Variants in RAP1GAP2 observed in about 807,000 individuals in gnomAD.
RAP1GAP2 encodes rap1 GTPase-activating protein 2.
In RAP1GAP2, 27 loss-of-function variants were observed where a neutral mutation model predicts 95.0. The ratio of observed to expected loss-of-function variants is 0.28; its 90% CI spans 0.21 to 0.39. The LOEUF (loss-of-function observed/expected upper bound fraction) is 0.39. RAP1GAP2 is among the 10% of genes least tolerant of loss of function. The probability of loss-of-function intolerance (pLI) is 1.00; values close to 1 mark genes in which losing one functional copy is unlikely to be tolerated. For missense variants in RAP1GAP2, 771 were observed against 970.0 expected (o/e 0.79, Z 2.72); for synonymous variants, 373 against 380.9 (o/e 0.98, Z 0.24).
intron 23 of RAP1GAP2, among the ~76,000 whole-genome samples, chr17:3,032,014 C>T (rs2047328439): frequency 6.6e-6 from 1 of 150,900 alleles, no homozygotes; most frequent in African/African-American, 2.4e-5. Flanking sequence ...CTATCGAGAG[C>T]TCCAGGCCCA....
rs560038991 is a variant in RAP1GAP2 at position 2,991,836 on chromosome 17, C to G, written c.914+439C>G. Among the ~76,000 whole-genome samples, 172 of 152,310 alleles carry G rather than the reference C, an allele frequency of 1.1e-3. 1 individual carries two copies. Among genetic ancestry groups the G allele is most frequent in the African/African-American group, 4.0e-3 (166 of 41,578 alleles). ...CTGGAGTGCAGTGGTGTGATCTCAGCTCACTGCAACCTCCACCTCCCAGGT... is the reference window on the plus strand; with the variant it reads ...CTGGAGTGCAGTGGTGTGATCTCAGGTCACTGCAACCTCCACCTCCCAGGT... On this transcript the variant is annotated intron_variant, in intron 12 of 24. Coordinates refer to ENST00000254695, the MANE Select transcript of RAP1GAP2 (RefSeq NM_015085.5).
At chr17:3,009,475 T>A (rs949427663) in intron 17 of RAP1GAP2, among the ~76,000 whole-genome samples, 1 of 152,200 alleles carries the variant, frequency 6.6e-6, no homozygotes, top group Non-Finnish European at 1.5e-5. Context: ...ACAGAATCAT[T>A]TGTGGGAGCA....
rs1388894265 is a variant in RAP1GAP2, at chr17:2,871,288, C to G, written c.81-33996C>G. 6.6e-6 allele frequency among the ~76,000 whole-genome samples: 1 copy of G among 152,174 alleles called. No homozygotes were observed. The highest frequency in any genetic ancestry group is 6.5e-5 in the Admixed American group (1 of 15,272). On this transcript the variant is annotated intron_variant, in intron 2 of 24. Transcript: ENST00000254695. This position sits in a 1 kb window ranked among gnomAD's most constrained non-coding sequence, Gnocchi z 5.0. Reference sequence around the variant, plus strand: ...AAACATTTTAATGGCTGAATTTCCCCCAGAGAGGAAGGAAAGCTCCTTTCC... The same window carrying G: ...AAACATTTTAATGGCTGAATTTCCCGCAGAGAGGAAGGAAAGCTCCTTTCC...
rs571218291 is a variant in RAP1GAP2 at position 2,755,914 on chromosome 17, G to A, written c.50+147G>A. 44 of 285,906 alleles carry A rather than the reference G, an allele frequency of 1.5e-4. No homozygotes were observed. The South Asian group carries it at 6.6e-3, about 43-fold the overall frequency. 17.7% of individuals were successfully genotyped at this position (285,906 alleles called of 1,614,324 possible). On this transcript the variant is annotated intron_variant, in intron 1 of 25. Transcript: ENST00000637138. ...GTGGGCGGAGGGGCGCCGGCTGCCTGGTCCCCACCACCCCCTCCGGTCCCC... is the reference window on the plus strand; with the variant it reads ...GTGGGCGGAGGGGCGCCGGCTGCCTAGTCCCCACCACCCCCTCCGGTCCCC...
chr17:2,846,856 G>T (rs1567704102), intron 2 of RAP1GAP2, among the ~76,000 whole-genome samples: 1 of 152,098 alleles, frequency 6.6e-6, no homozygotes, highest in Non-Finnish European at 1.5e-5. Context: ...GCTGTTTGGG[G>T]CCATTAAGCC....
At chr17:2,924,506 G>A (rs2042891382) in intron 3 of RAP1GAP2, among the ~76,000 whole-genome samples, 1 of 151,982 alleles carries the variant, frequency 6.6e-6, no homozygotes, top group African/African-American at 2.4e-5. Context: ...GTCATCTGCT[G>A]TAGAGGAGGA....
At chr17:2,809,677 G>C (rs1012471085) in intron 2 of RAP1GAP2, among the ~76,000 whole-genome samples, 4 of 152,224 alleles carry the variant, frequency 2.6e-5, no homozygotes, top group Non-Finnish European at 4.4e-5. Context: ...GGCTCGCTGG[G>C]AGCTGGATTT....
At chr17:2,794,905 T>C (rs1230907346), upstream of RAP1GAP2, among the ~76,000 whole-genome samples, 1 of 137,892 alleles carries the variant, frequency 7.3e-6, no homozygotes, top group Non-Finnish European at 1.6e-5. Context: ...AGATGGAGTT[T>C]TGCTCTTTGT....
chr17:2,805,054 T>C (rs1476460), intron 2 of RAP1GAP2, among the ~76,000 whole-genome samples: 46,832 of 152,084 alleles, frequency 0.31, 7,702 homozygotes, highest in African/African-American at 0.42. Flanking sequence ...GCAGGGGCTC[T>C]GTGCATTACA....
At chr17:2,835,661 G>T (rs2071097549) in intron 2 of RAP1GAP2, among the ~76,000 whole-genome samples, 1 of 152,200 alleles carries the variant, frequency 6.6e-6, no homozygotes, top group Non-Finnish European at 1.5e-5. Flanking sequence ...GGAGTTTGAG[G>T]CTGCAGTGAG....
intron 2 of RAP1GAP2, among the ~76,000 whole-genome samples, chr17:2,801,465 ACT>A (rs2069289378): frequency 1.0e-5 from 1 of 98,952 alleles, no homozygotes; most frequent in Admixed American, 1.2e-4. Flanking sequence ...ACAGAGTGAG[ACT>A]CTGTCTCAAA....
Position 2,796,664 on chromosome 17 carries a change from C to A in RAP1GAP2, c.44+93C>A. 1 of 1,426,116 alleles carries A rather than the reference C, an allele frequency of 7.0e-7. No individual in the cohort carries two copies. Among genetic ancestry groups the A allele is most frequent in the Non-Finnish European group, 9.7e-7 (1 of 1,033,844 alleles). 88.3% of individuals were successfully genotyped at this position (1,426,116 alleles called of 1,614,324 possible). ...ATTGGCGGCCGTGGGAACAGAGGGGCTCGGGCTGTGCCTGAGAGCTGGGTC... is the reference window on the plus strand; with the variant it reads ...ATTGGCGGCCGTGGGAACAGAGGGGATCGGGCTGTGCCTGAGAGCTGGGTC... On this transcript the variant is annotated intron_variant, in intron 1 of 24. Coordinates refer to ENST00000254695, the MANE Select transcript of RAP1GAP2 (RefSeq NM_015085.5). The surrounding 1 kb of genome is among the most constrained non-coding windows in gnomAD (Gnocchi z 4.7).
At chr17:2,897,583 C>A (rs2041878596) in intron 2 of RAP1GAP2, among the ~76,000 whole-genome samples, 1 of 152,052 alleles carries the variant, frequency 6.6e-6, no homozygotes, top group African/African-American at 2.4e-5. Flanking sequence ...TGGTCTCGAA[C>A]TCCTGACCTC....
intron 3 of RAP1GAP2, among the ~76,000 whole-genome samples, chr17:2,913,726 C>T (rs946356411): frequency 5.3e-5 from 8 of 152,208 alleles, no homozygotes; most frequent in Admixed American, 2.6e-4. Context: ...GATACACCCA[C>T]GTGAGCCATA....
chr17:2,907,224 C>CA (rs2042227637), intron 3 of RAP1GAP2, among the ~76,000 whole-genome samples: 1 of 152,224 alleles, frequency 6.6e-6, no homozygotes, highest in Non-Finnish European at 1.5e-5. Flanking sequence ...ACCTGGGTCT[C>CA]ATGACCGCCC....
At chr17:3,017,319 C>T (rs1416733209) in intron 17 of RAP1GAP2, among the ~76,000 whole-genome samples, 4 of 151,940 alleles carry the variant, frequency 2.6e-5, no homozygotes, top group Non-Finnish European at 4.4e-5. Flanking sequence ...TGAGCAGCTC[C>T]GTGCCCCCCG....
At chr17:2,944,413 G>A (rs897424105) in intron 3 of RAP1GAP2, among the ~76,000 whole-genome samples, 7 of 152,146 alleles carry the variant, frequency 4.6e-5, no homozygotes, top group African/African-American at 1.7e-4. Flanking sequence ...CCTAGGATTG[G>A]TCTTGGCAAT....
At chr17:2,781,987 G>A (rs2068673340) in intron 1 of RAP1GAP2, among the ~76,000 whole-genome samples, 1 of 152,228 alleles carries the variant, frequency 6.6e-6, no homozygotes, top group Non-Finnish European at 1.5e-5. Flanking sequence ...TGTGCTCTGG[G>A]TTGTTCATGG....
At chr17:2,799,582 G>A (rs1459142302) in intron 1 of RAP1GAP2, among the ~76,000 whole-genome samples, 1 of 152,208 alleles carries the variant, frequency 6.6e-6, no homozygotes, top group Non-Finnish European at 1.5e-5. Context: ...GCCAGTGGCA[G>A]TTTTAGTGAA....
Sources: allele counts gnomAD v4.1 joint callset (sites outside exome capture counted in the v4.1 genomes callset), GRCh38; gene constraint gnomAD v4.1.1; non-coding constraint Gnocchi (gnomAD v3.1); transcripts MANE v1.5; gene names NCBI Gene and HGNC (gene_info 2026-07-23, HGNC 2026-07-21).